The following TERT variants were observed in gnomAD, a reference collection of about 807,000 sequenced individuals.
The protein encoded by TERT is telomerase reverse transcriptase.
Under a neutral mutation model 104.0 loss-of-function variants are expected in TERT, and 42 were observed. That is an observed-to-expected ratio of 0.40 (90% CI 0.32 to 0.52). The LOEUF (loss-of-function observed/expected upper bound fraction) is 0.52. Among genes scored for constraint, TERT ranks in the 20% least tolerant of loss-of-function variants. The pLI, the probability that TERT is intolerant of heterozygous loss-of-function variation, is 0.43. For missense variants in TERT, 1,101 were observed against 1,610.3 expected, an observed-to-expected ratio of 0.68 and a Z score of 5.41; for synonymous variants, 781 against 725.6, an observed-to-expected ratio of 1.08 and a Z score of -1.23.
Position 1,268,677 on chromosome 5 carries a change from T to A in TERT, c.2469-44A>T. 1.5e-6 allele frequency: 2 copies of A among 1,372,764 alleles called. No homozygotes were observed. Among genetic ancestry groups the A allele is most frequent in the Non-Finnish European group, 2.1e-6 (2 of 963,230 alleles). 85.0% of individuals were successfully genotyped at this position (1,372,764 alleles called of 1,614,324 possible). A position where few individuals can be genotyped will look rare whatever the true frequency, so the allele number is the denominator to read the frequency against. On this transcript the variant is annotated intron_variant, in intron 8 of 15. Transcript: ENST00000310581. This position sits in a 1 kb window ranked among gnomAD's most constrained non-coding sequence, Gnocchi z 5.5. ...GGTGAGAGACGGGCAGGGCATGTGCTGGACATGCGTACACTCAAACCGAGC... is the reference window on the plus strand; with the variant it reads ...GGTGAGAGACGGGCAGGGCATGTGCAGGACATGCGTACACTCAAACCGAGC...
chr5:1,275,140 C>T (rs1333825508), intron 6 of TERT, among the ~76,000 whole-genome samples: 17 of 152,100 alleles, frequency 1.1e-4, no homozygotes, highest in Admixed American at 1.1e-3. Context: ...TTTGGGAGGC[C>T]GAGGTGGGAG....
intron 5 of TERT, 129 bp from the exon 6 acceptor site, chr5:1,278,925 G>T: frequency 7.6e-7 from 1 of 1,317,270 alleles, no homozygotes; most frequent in Non-Finnish European, 1.1e-6. Context: ...GACCCCAAGG[G>T]CAGGGCGGGC....
rs1750632722 is a variant in TERT, at chr5:1,288,537, G to A, written c.1573+4776C>T. 6.6e-6 allele frequency among the ~76,000 whole-genome samples: 1 copy of A among 152,148 alleles called. No individual in the cohort carries two copies. Among genetic ancestry groups the A allele is most frequent in the South Asian group, 2.1e-4 (1 of 4,820 alleles). Reference sequence around the variant, plus strand: ...CCATGTGAGGGGGCGACTGGAGGCAGAGCCCAGCCTAAGCAATGAGCGGCA... The same window carrying A: ...CCATGTGAGGGGGCGACTGGAGGCAAAGCCCAGCCTAAGCAATGAGCGGCA... On this transcript the variant is annotated intron_variant, in intron 2 of 15. Coordinates refer to ENST00000310581, the MANE Select transcript of TERT (RefSeq NM_198253.3). This position sits in a 1 kb window ranked among gnomAD's most constrained non-coding sequence, Gnocchi z 5.3.
At chr5:1,254,993 A>T (rs1747614200) in intron 14 of TERT, among the ~76,000 whole-genome samples, 1 of 152,108 alleles carries the variant, frequency 6.6e-6, no homozygotes, top group Non-Finnish European at 1.5e-5. Context: ...AGGAGAGGCC[A>T]GGCCCCCCAA....
chr5:1,294,035 G>A lies in TERT; in HGVS notation c.851C>T (p.Ser284Phe), dbSNP rs1279190294. Residue 284 changes from serine to phenylalanine, a missense_variant, in exon 2 of 16, where the codon TCT (serine) becomes TTT (phenylalanine). Physicochemically the swap from Ser to Phe is radical, Grantham distance 155 (BLOSUM62 -2). This residue lies in a region of TERT where 504 missense variants were observed against 544.6 expected (regional missense o/e 0.93). Coordinates refer to ENST00000310581, the MANE Select transcript of TERT (RefSeq NM_198253.3). ...CGTGCCAGAGAGCGCACCCTCCAAA[G>A]AGGTGGCTTCTTCGGCGGGTCTGGC... is the stretch of plus-strand genomic sequence containing the variant. ...SPARPAEEATSLEGALSGTRH... is the reference protein window; with the variant it reads ...SPARPAEEATFLEGALSGTRH... 3.1e-6 allele frequency: 5 copies of A among 1,600,430 alleles called. No homozygotes were observed. Among genetic ancestry groups the A allele is most frequent in the African/African-American group, 1.3e-5 (1 of 74,724 alleles).
rs1396997141 is a variant in TERT at position 1,268,226 on chromosome 5, G to C, written c.2582+294C>G. ...AACCTGGGTGACGTGACAGAAGCTGGTGTGCTTCCTCGGTGTTGAATTCAC... is the reference window on the plus strand; with the variant it reads ...AACCTGGGTGACGTGACAGAAGCTGCTGTGCTTCCTCGGTGTTGAATTCAC... On this transcript the variant is annotated intron_variant, in intron 9 of 15. Transcript: ENST00000310581. This position sits in a 1 kb window ranked among gnomAD's most constrained non-coding sequence, Gnocchi z 5.5. Among the ~76,000 whole-genome samples, 3 of 152,246 alleles carry C rather than the reference G, an allele frequency of 2.0e-5. No homozygotes were observed. Among genetic ancestry groups the C allele is most frequent in the African/African-American group, 4.8e-5 (2 of 41,474 alleles).
intron 3 of TERT, 133 bp from the exon 4 acceptor site, chr5:1,280,471 G>T: frequency 2.0e-6 from 2 of 1,014,976 alleles, no homozygotes; most frequent in Non-Finnish European, 3.0e-6. Flanking sequence ...TGAAGGCCAT[G>T]CCCGGGGCCA....
intron 6 of TERT, among the ~76,000 whole-genome samples, 185 bp downstream of exon 6, chr5:1,278,453 ACAC>A (rs1207682008): frequency 1.3e-4 from 20 of 151,992 alleles, no homozygotes; most frequent in Admixed American, 3.9e-4. Flanking sequence ...ACACACACAC[ACAC>A]CACAAATATG....
chr5:1,293,575 G>A lies in TERT; in HGVS notation c.1311C>T (p.Ala437=), dbSNP rs2126684861. 2 of 1,545,940 alleles carry A rather than the reference G, an allele frequency of 1.3e-6. No homozygotes were observed. The highest frequency in any genetic ancestry group is 1.7e-6 in the Non-Finnish European group (2 of 1,143,674). ...GGGGGTCTGTGTCCTCCTCCTCGGG[G>A]GCCGCCACAGAGCCCTGGGGCTTCT... The part of the protein sequence containing the change: ...AREKPQGSVA[A]PEEEDTDPRR... The change falls in exon 2 of 16, where the codon GCC becomes GCT. Residue 437 remains alanine (A), a synonymous_variant. Coordinates refer to ENST00000310581, the MANE Select transcript of TERT (RefSeq NM_198253.3).
intron 4 of TERT, 92 bp from the exon 5 acceptor site, chr5:1,279,562 C>A: frequency 7.7e-7 from 1 of 1,291,328 alleles, no homozygotes; most frequent in Non-Finnish European, 1.1e-6. Flanking sequence ...CAGCCCCTCC[C>A]CAGTGTCCCC....
At chr5:1,266,345 G>A (rs1024730254) in intron 10 of TERT, 119 bp downstream of exon 10, 6 of 977,898 alleles carry the variant, frequency 6.1e-6, no homozygotes, top group East Asian at 2.6e-5. Context: ...ATCCAGCACC[G>A]GCAGAGAGAG....
In TERT at chr5:1,286,453, G is replaced by T. The variant is rs1473349358; in HGVS notation, c.1574-3829C>A. 1.3e-5 allele frequency among the ~76,000 whole-genome samples: 2 copies of T among 152,206 alleles called. No homozygotes were observed. The highest frequency in any genetic ancestry group is 1.3e-4 in the Admixed American group (2 of 15,282). ...TTAATAATGCTTAGCTTGTGGGGGT[G>T]TCAAGATGCCTGAGATAGAACTAAG... On this transcript the variant is annotated intron_variant, in intron 2 of 15. Coordinates refer to ENST00000310581, the MANE Select transcript of TERT (RefSeq NM_198253.3). This position sits in a 1 kb window ranked among gnomAD's most constrained non-coding sequence, Gnocchi z 5.3.
chr5:1,288,803 G>A lies in TERT; in HGVS notation c.1573+4510C>T, dbSNP rs531941874. Among the ~76,000 whole-genome samples the A allele has an allele frequency of 1.3e-5, 2 of 152,186 alleles. No individual in the cohort carries two copies. Among genetic ancestry groups the A allele is most frequent in the South Asian group, 2.1e-4 (1 of 4,830 alleles). ...TTGGCAGCATGCATGTGGCGGGCAC[G>A]TGGTGAGCAAGCCAGGCCCAACAGA... is the stretch of plus-strand genomic sequence containing the variant. On this transcript the variant is annotated intron_variant, in intron 2 of 15. Coordinates refer to ENST00000310581, the MANE Select transcript of TERT (RefSeq NM_198253.3). The surrounding 1 kb of genome is among the most constrained non-coding windows in gnomAD (Gnocchi z 5.3).
rs1238092784 is a variant in TERT at position 1,279,400 on chromosome 5, C to T, written c.2021G>A (p.Gly674Asp). Residue 674 changes from glycine to aspartate, a missense_variant, in exon 5 of 16, where the codon GGC becomes GAC. Transcript: ENST00000310581. ...VLNYERARRPGLLGASVLGLD... is the reference protein window; with the variant it reads ...VLNYERARRPDLLGASVLGLD... ...GCCCAGCACAGAGGCGCCCAGGAGG[C>T]CGGGGCGCCGCGCCCGCTCGTAGTT... is the stretch of plus-strand genomic sequence containing the variant. 1.3e-6 allele frequency: 2 copies of T among 1,554,994 alleles called. No homozygotes were observed. The highest frequency in any genetic ancestry group is 1.7e-6 in the Non-Finnish European group (2 of 1,151,062).
At chr5:1,290,471 T>G (rs371168408) in intron 2 of TERT, among the ~76,000 whole-genome samples, 58 of 15,336 alleles carry the variant, frequency 3.8e-3, no homozygotes, top group Admixed American at 4.3e-3. Context: ...CCCGGGGGCC[T>G]CGCGTCAATC....
intron 2 of TERT, among the ~76,000 whole-genome samples, chr5:1,290,366 T>G (rs1275586195): frequency 1.4e-4 from 8 of 58,582 alleles, no homozygotes; most frequent in East Asian, 4.5e-4. Flanking sequence ...ACCCTACACG[T>G]GACAGGGACA....
intron 3 of TERT, among the ~76,000 whole-genome samples, chr5:1,281,655 A>C (rs1049431896): frequency 2.6e-5 from 4 of 152,266 alleles, no homozygotes; most frequent in Non-Finnish European, 4.4e-5. Flanking sequence ...CCTAGAAGTT[A>C]GCTCATGGTG....
In TERT at chr5:1,269,949, A is replaced by G. The variant is rs1246591853; in HGVS notation, c.2468+1170T>C. The stretch of plus-strand genomic sequence containing the variant: ...TCTGTCAGGGCATGAGGACGCAGTC[A>G]TCACCTCACATTCCCCAAAGCCCTG... On this transcript the variant is annotated intron_variant, in intron 8 of 15. Coordinates refer to ENST00000310581, the MANE Select transcript of TERT (RefSeq NM_198253.3). This position sits in a 1 kb window ranked among gnomAD's most constrained non-coding sequence, Gnocchi z 9.0. Among the ~76,000 whole-genome samples, 3 of 152,182 alleles carry G rather than the reference A, an allele frequency of 2.0e-5. No individual in the cohort carries two copies. The South Asian group carries it at 6.2e-4, about 32-fold the overall frequency.
At position 1,286,077 on chromosome 5, in the gene TERT, G is replaced by A. The variant is rs1189700278; in HGVS notation, c.1574-3453C>T. 1.3e-5 allele frequency among the ~76,000 whole-genome samples: 2 copies of A among 152,072 alleles called. No individual in the cohort carries two copies. The highest frequency in any genetic ancestry group is 2.9e-5 in the Non-Finnish European group (2 of 68,022). On this transcript the variant is annotated intron_variant, in intron 2 of 15. Coordinates refer to ENST00000310581, the MANE Select transcript of TERT (RefSeq NM_198253.3). This position sits in a 1 kb window ranked among gnomAD's most constrained non-coding sequence, Gnocchi z 5.3. The stretch of plus-strand genomic sequence containing the variant: ...AGCCACCAGACCCCGACATGCCTGG[G>A]GTTTTCCAGGCTGAACCCAGGCCGA...
Sources: gnomAD v4.1 joint callset for allele counts (sites outside exome capture counted in the v4.1 genomes callset) on GRCh38, gnomAD v4.1.1 for gene constraint, gnomAD v4.1.1 regional missense constraint, Gnocchi (gnomAD v3.1) non-coding constraint, MANE v1.5 for transcripts, NCBI Gene and HGNC (gene_info 2026-07-23, HGNC 2026-07-21) for gene names.